The following CADM2 variants were observed in gnomAD, a reference collection of about 807,000 sequenced individuals.
CADM2 encodes the protein immunoglobulin superfamily member 4D.
Under a neutral mutation model 49.8 loss-of-function variants are expected in CADM2, and 12 were observed. The observed-to-expected ratio is 0.24, with a 90% CI of 0.15 to 0.39. The LOEUF (loss-of-function observed/expected upper bound fraction) is 0.39. CADM2 is among the 10% of genes least tolerant of loss of function. CADM2 has a pLI of 1.00. For synonymous variants in CADM2, 214 were observed against 175.4 expected, an observed-to-expected ratio of 1.22 and a Z score of -1.74; for missense variants, 378 against 492.3, an observed-to-expected ratio of 0.77 and a Z score of 2.20.
intron 1 of CADM2, among the ~76,000 whole-genome samples, chr3:85,043,060 T>C (rs1028083724): frequency 7.2e-5 from 11 of 152,106 alleles, no homozygotes; most frequent in African/African-American, 2.7e-4. Flanking sequence ...TAGTAAATCA[T>C]GGAGAAGCCC....
chr3:85,291,820 G>C (rs2043805587), intron 1 of CADM2, among the ~76,000 whole-genome samples: 2 of 147,840 alleles, frequency 1.4e-5, no homozygotes, highest in Admixed American at 6.6e-5. Flanking sequence ...ACTGGTACCA[G>C]CCGCTGCAAA....
intron 1 of CADM2, among the ~76,000 whole-genome samples, chr3:85,366,339 C>T (rs978529613): frequency 5.9e-5 from 9 of 152,236 alleles, no homozygotes; most frequent in East Asian, 1.9e-4. Context: ...TACACACCTG[C>T]GGAGATTTTG....
chr3:85,163,546 A>G (rs1197342468), intron 1 of CADM2, among the ~76,000 whole-genome samples: 2 of 152,014 alleles, frequency 1.3e-5, no homozygotes, highest in Non-Finnish European at 2.9e-5. Context: ...GACCCTCAGG[A>G]TTTTACGCCC....
At chr3:85,728,476 T>C (rs757714181) in intron 2 of CADM2, among the ~76,000 whole-genome samples, 5 of 151,972 alleles carry the variant, frequency 3.3e-5, no homozygotes, top group Non-Finnish European at 7.4e-5. Context: ...GTAGAGATAA[T>C]AGAAAGAATT....
At chr3:85,830,832 T>TATTC (rs1289947009) in intron 3 of CADM2, among the ~76,000 whole-genome samples, 2 of 147,276 alleles carry the variant, frequency 1.4e-5, no homozygotes, top group African/African-American at 2.5e-5. Flanking sequence ...TTTATTTATT[T>TATTC]ATTTATTTAT....
chr3:85,773,961 A>G (rs1433117320), intron 2 of CADM2, among the ~76,000 whole-genome samples: 1 of 151,964 alleles, frequency 6.6e-6, no homozygotes, highest in African/African-American at 2.4e-5. Context: ...CTATCCAGGA[A>G]AGCATAATCT....
intron 1 of CADM2, among the ~76,000 whole-genome samples, chr3:85,629,602 C>G (rs570289709): frequency 2.6e-5 from 4 of 152,034 alleles, no homozygotes; most frequent in African/African-American, 9.6e-5. Context: ...AGATGGCTTG[C>G]ATGTATACTA....
chr3:85,988,925 G>A (rs1728446091), intron 8 of CADM2, among the ~76,000 whole-genome samples: 1 of 152,120 alleles, frequency 6.6e-6, no homozygotes, highest in Non-Finnish European at 1.5e-5. Context: ...TTACATCAGA[G>A]TCATTGAGAA....
At chr3:85,615,277 A>G (rs2063771836) in intron 1 of CADM2, among the ~76,000 whole-genome samples, 1 of 151,950 alleles carries the variant, frequency 6.6e-6, no homozygotes, top group African/African-American at 2.4e-5. Context: ...AAGGAAGGAA[A>G]CACATAGTTC....
chr3:85,036,613 G>C (rs969047681), intron 1 of CADM2, among the ~76,000 whole-genome samples: 12 of 151,968 alleles, frequency 7.9e-5, no homozygotes, highest in Non-Finnish European at 1.2e-4. Flanking sequence ...ACTTTTAGTA[G>C]CAAAAAAGAA....
intron 1 of CADM2, among the ~76,000 whole-genome samples, chr3:85,497,947 G>T (rs182545989): frequency 4.6e-5 from 7 of 151,612 alleles, no homozygotes; most frequent in Non-Finnish European, 8.8e-5. Flanking sequence ...CTCATTATCT[G>T]TAGATTCTGT....
chr3:85,713,291 G>GC (rs1264920880), intron 1 of CADM2, among the ~76,000 whole-genome samples: 6 of 152,066 alleles, frequency 3.9e-5, no homozygotes, highest in African/African-American at 1.4e-4. Context: ...AGTAGAGATG[G>GC]CCCGCTGGCA....
intron 1 of CADM2, among the ~76,000 whole-genome samples, chr3:85,401,535 A>T (rs1432669698): frequency 6.6e-6 from 1 of 152,140 alleles, no homozygotes; most frequent in Non-Finnish European, 1.5e-5. Flanking sequence ...TGTCACCCCT[A>T]GAGGAAAGTC....
intron 1 of CADM2, among the ~76,000 whole-genome samples, chr3:85,465,608 G>A (rs562889792): frequency 6.6e-6 from 1 of 152,240 alleles, no homozygotes; most frequent in East Asian, 1.9e-4. Context: ...ATTAAGATGA[G>A]AATGTTTTTG....
intron 1 of CADM2, among the ~76,000 whole-genome samples, chr3:85,670,199 A>G (rs536713948): frequency 6.6e-6 from 1 of 152,278 alleles, no homozygotes; most frequent in Non-Finnish European, 1.5e-5. Context: ...TAAATGAACA[A>G]TACTCTTTGT....
chr3:85,905,212 T>G (rs1483310636), intron 5 of CADM2, among the ~76,000 whole-genome samples: 1 of 152,126 alleles, frequency 6.6e-6, no homozygotes, highest in Non-Finnish European at 1.5e-5. Context: ...AGAATTACAA[T>G]GGCTGTGGAA....
At chr3:85,228,104 G>A (rs1471899003) in intron 1 of CADM2, among the ~76,000 whole-genome samples, 2 of 152,072 alleles carry the variant, frequency 1.3e-5, no homozygotes, top group Non-Finnish European at 2.9e-5. Context: ...TATGTGCCTT[G>A]AGGTTGCTCT....
chr3:85,403,574 C>A lies in CADM2; in HGVS notation c.62-322948C>A, dbSNP rs187615208. 1.1e-3 allele frequency among the ~76,000 whole-genome samples: 169 copies of A among 152,208 alleles called. 1 individual carries two copies. Among genetic ancestry groups the A allele is most frequent in the Middle Eastern group, 3.4e-3 (1 of 294 alleles). On this transcript the variant is annotated intron_variant, in intron 1 of 9. Transcript: ENST00000383699. ...CAGAGACATGCATGGTGAGATCTTG[C>A]TCTTAATAAGGCAGATCTGGTCTTC...
intron 1 of CADM2, among the ~76,000 whole-genome samples, chr3:85,056,680 G>T (rs561394083): frequency 6.6e-6 from 1 of 152,022 alleles, no homozygotes; most frequent in East Asian, 1.9e-4. Context: ...TAAGTGAAAT[G>T]ATATATGCAA....
Sources: allele counts gnomAD v4.1 joint callset (sites outside exome capture counted in the v4.1 genomes callset), GRCh38; gene constraint gnomAD v4.1.1; transcripts MANE v1.5; gene names NCBI Gene and HGNC (gene_info 2026-07-23, HGNC 2026-07-21).